Variants in USP34 observed in about 807,000 individuals in gnomAD.
USP34 encodes ubiquitin specific peptidase 34, also known as ubiquitin carboxyl-terminal hydrolase 34.
USP34 carries 70 observed loss-of-function variants against 460.3 expected under a neutral mutation model. The ratio of observed to expected loss-of-function variants is 0.15; its 90% CI spans 0.13 to 0.19. The LOEUF (loss-of-function observed/expected upper bound fraction) is 0.19. Ranked by LOEUF, USP34 falls within the 10% of genes least tolerant of loss-of-function variation. The pLI is 1.00. For synonymous variants in USP34, 1,647 were observed against 1,405.3 expected (o/e 1.17, Z -3.85); for missense variants, 3,985 against 4,236.2 (o/e 0.94, Z 1.65).
chr2:61,233,314 C>G (rs548652358), intron 57 of USP34, among the ~76,000 whole-genome samples: 1 of 151,806 alleles, frequency 6.6e-6, no homozygotes, highest in Non-Finnish European at 1.5e-5. Context: ...CAGGAAAATG[C>G]AATTAGTCAA....
chr2:61,267,405 G>A (rs1381486924), intron 41 of USP34, among the ~76,000 whole-genome samples: 2 of 150,980 alleles, frequency 1.3e-5, no homozygotes, highest in Non-Finnish European at 2.9e-5. Flanking sequence ...GCAAAGAAAC[G>A]TTAAGTTTAG....
intron 20 of USP34, among the ~76,000 whole-genome samples, chr2:61,330,730 C>T (rs976837322): frequency 1.3e-5 from 2 of 152,124 alleles, no homozygotes; most frequent in Non-Finnish European, 2.9e-5. Context: ...AGCTATACCA[C>T]CACCAATCCA....
intron 48 of USP34, among the ~76,000 whole-genome samples, chr2:61,253,505 G>C (rs1688641765): frequency 6.6e-6 from 1 of 152,042 alleles, no homozygotes. Context: ...ATTTGACTAT[G>C]TCCACCTAAC....
At position 61,389,038 on chromosome 2, in the gene USP34, T is replaced by C. The variant is rs1693260103; in HGVS notation, c.754-5702A>G. ...AAACAACCAGGCATGAAAGAATGCA[T>C]AGTATGTGATTCCATCTGCATGGTG... On this transcript the variant is annotated intron_variant, in intron 5 of 79. Transcript: ENST00000398571. Among the ~76,000 whole-genome samples the C allele has an allele frequency of 2.0e-5, 3 of 152,236 alleles. No homozygotes were observed. In the South Asian group the frequency reaches 6.2e-4, roughly 32 times the overall value.
At chr2:61,292,150 A>C (rs1463210392) in intron 33 of USP34, among the ~76,000 whole-genome samples, 1 of 152,188 alleles carries the variant, frequency 6.6e-6, no homozygotes, top group Non-Finnish European at 1.5e-5. Context: ...ATATAGTAAA[A>C]ACAGTACATT....
intron 8 of USP34, among the ~76,000 whole-genome samples, chr2:61,370,839 A>C (rs1692601055): frequency 6.6e-6 from 1 of 152,250 alleles, no homozygotes; most frequent in Non-Finnish European, 1.5e-5. Context: ...CAAGTGTAAC[A>C]CTGATTTAGT....
In USP34 at chr2:61,205,678, A is replaced by G. The variant is rs559812593; in HGVS notation, c.9154+339T>C. Among the ~76,000 whole-genome samples the G allele has an allele frequency of 9.2e-5, 14 of 152,302 alleles. No homozygotes were observed. In the South Asian group the frequency reaches 2.9e-3, roughly 32 times the overall value. On this transcript the variant is annotated intron_variant, in intron 72 of 79. Transcript: ENST00000398571. ...CAAAAGAACTCACAGTGAAATAAGT[A>G]CTCTTATCCTTTAGAATGTCAGTTC...
At chr2:61,261,087 G>C (rs1688864703) in intron 43 of USP34, among the ~76,000 whole-genome samples, 1 of 152,164 alleles carries the variant, frequency 6.6e-6, no homozygotes, top group African/African-American at 2.4e-5. Context: ...AAGCCCTATG[G>C]AAAAGGTAAG....
rs779624177 is a variant in USP34 at position 61,193,030 on chromosome 2, G to A, written c.9509-50C>T. On this transcript the variant is annotated intron_variant, in intron 75 of 79. Coordinates refer to ENST00000398571, the MANE Select transcript of USP34 (RefSeq NM_014709.4). ...TAGGTTATAATTATAAATTATACTA[G>A]TGAGATACTCAACTCTGCAGGTACA... The A allele has an allele frequency of 2.9e-5, 41 of 1,418,752 alleles. No homozygotes were observed. The Admixed American group carries it at 7.2e-4, about 25-fold the overall frequency. 87.9% of individuals were successfully genotyped at this position (1,418,752 alleles called of 1,614,324 possible). A position where few individuals can be genotyped will look rare whatever the true frequency, so the allele number is the denominator to read the frequency against.
Position 61,383,294 on chromosome 2 carries a change from T to C in USP34, c.796A>G (p.Ile266Val). Residue 266 changes from isoleucine to valine, a missense_variant, in exon 6 of 80, where the codon ATA (isoleucine) becomes GTA (valine). Ile to Val is a conservative substitution (Grantham distance 29). Coordinates refer to ENST00000398571, the MANE Select transcript of USP34 (RefSeq NM_014709.4). Reference sequence around the variant, plus strand: ...CTAATAACATAGGTCCTAAAAGGTATAATGTGCTGCATGACAGCGGGAATA... The same window carrying C: ...CTAATAACATAGGTCCTAAAAGGTACAATGTGCTGCATGACAGCGGGAATA... Reference protein sequence around the residue: ...LHIPAVMQHIIPFRTYVIRYL... With the variant: ...LHIPAVMQHIVPFRTYVIRYL... The C allele has an allele frequency of 6.2e-7, 1 of 1,605,392 alleles. No homozygotes were observed. Among genetic ancestry groups the C allele is most frequent in the Admixed American group, 1.7e-5 (1 of 59,396 alleles).
At chr2:61,314,535 C>G in intron 25 of USP34, 50 bp downstream of exon 25, 1 of 1,374,496 alleles carries the variant, frequency 7.3e-7, no homozygotes, top group South Asian at 2.2e-5. Context: ...CTGGATATGT[C>G]AGGAATAAAA....
At chr2:61,348,684 T>C (rs544798475) in intron 14 of USP34, 72 bp downstream of exon 14, 13 of 1,535,046 alleles carry the variant, frequency 8.5e-6, no homozygotes, top group African/African-American at 6.9e-5. Flanking sequence ...TATGTATATA[T>C]ACCCAATTCA....
chr2:61,435,455 A>G (rs1328203338), intron 1 of USP34, among the ~76,000 whole-genome samples: 3 of 146,616 alleles, frequency 2.0e-5, no homozygotes, highest in South Asian at 2.2e-4. Context: ...TTAAAGTACT[A>G]AAAAAAAAAC....
intron 38 of USP34, 55 bp from the exon 39 acceptor site, chr2:61,280,403 A>G (rs1422385043): frequency 2.3e-6 from 2 of 864,012 alleles, no homozygotes; most frequent in African/African-American, 3.5e-5. Flanking sequence ...ATAAAATTAT[A>G]ATACATTTAA....
At chr2:61,253,973 A>G (rs1215055942) in intron 48 of USP34, among the ~76,000 whole-genome samples, 2 of 152,124 alleles carry the variant, frequency 1.3e-5, no homozygotes, top group African/African-American at 2.4e-5. Flanking sequence ...GACCTCAGGC[A>G]ATCCACCTGC....
At chr2:61,305,098 G>A (rs1302357593) in intron 27 of USP34, among the ~76,000 whole-genome samples, 1 of 152,102 alleles carries the variant, frequency 6.6e-6, no homozygotes. Context: ...GGCCGAGGTG[G>A]GCCGATCATG....
At chr2:61,287,767 G>A (rs967397248) in intron 34 of USP34, among the ~76,000 whole-genome samples, 1 of 152,172 alleles carries the variant, frequency 6.6e-6, no homozygotes, top group African/African-American at 2.4e-5. Flanking sequence ...AAGGCTTCTG[G>A]TTAATAGCAG....
intron 16 of USP34, among the ~76,000 whole-genome samples, chr2:61,341,173 TCTTTC>T (rs1691587498): frequency 6.6e-6 from 1 of 152,258 alleles, no homozygotes; most frequent in Non-Finnish European, 1.5e-5. Context: ...TGTCTGTAGT[TCTTTC>T]CTTTCTACTG....
At chr2:61,223,451 T>A in intron 62 of USP34, 155 bp from the exon 63 acceptor site, 1 of 730,798 alleles carries the variant, frequency 1.4e-6, no homozygotes, top group Non-Finnish European at 2.2e-6. Flanking sequence ...TTGCTAAATG[T>A]CTTTTGGGCA....
Sources: gnomAD v4.1 joint callset for allele counts (sites outside exome capture counted in the v4.1 genomes callset) on GRCh38, gnomAD v4.1.1 for gene constraint, MANE v1.5 for transcripts, NCBI Gene and HGNC (gene_info 2026-07-23, HGNC 2026-07-21) for gene names.